CCDC177: variants seen among roughly 807,000 people sequenced by gnomAD.
The protein encoded by CCDC177 is coiled-coil domain-containing protein 177.
A neutral mutation model predicts 7.3 loss-of-function variants in CCDC177; 2 were observed. The observed-to-expected ratio is 0.28, with a 90% confidence interval of 0.11 to 0.87. The LOEUF is 0.87. Among genes scored for constraint, CCDC177 ranks in the 40% least tolerant of loss-of-function variants. The pLI, the probability that CCDC177 is intolerant of heterozygous loss-of-function variation, is 0.61. For synonymous variants in CCDC177, 401 were observed against 449.2 expected (o/e 0.89, Z 1.36); for missense variants, 874 against 970.5 (o/e 0.90, Z 1.32).
rs547171597 is a variant in CCDC177 at position 69,571,691 on chromosome 14, G to A, written c.1932C>T (p.Leu644=). Residue 644 remains leucine, a synonymous_variant, in exon 2 of 2, where the codon CTC becomes CTT. Transcript: ENST00000599174. ...RDEDCRRREL[L]QAIGRKLERS... ...GCTCCAGCTTGCGCCCGATGGCCTG[G>A]AGTAGCTCTCGCCGGCGGCAGTCTT... is the stretch of plus-strand genomic sequence containing the variant. 74 of 1,232,008 alleles carry A rather than the reference G, an allele frequency of 6.0e-5. No homozygotes were observed. The African/African-American group carries it at 1.0e-3, about 17-fold the overall frequency. The allele number at this position is 1,232,008 out of a possible 1,614,324, so 76.3% of individuals were successfully genotyped here.
In CCDC177 at chr14:69,571,428, C is replaced by CCA; in HGVS notation, c.*69_*70dup. 8.9e-7 allele frequency: 1 copy of CCA among 1,123,666 alleles called. No homozygotes were observed. The highest frequency in any genetic ancestry group is 1.1e-6 in the Non-Finnish European group (1 of 876,856). The allele number at this position is 1,123,666 out of a possible 1,614,324, so 69.6% of individuals were successfully genotyped here. On this transcript the variant is annotated 3_prime_UTR_variant, in exon 2 of 2. Transcript: ENST00000599174. ...CGCGCTGCGCACCGAGCGGGGACTC[C>CCA]CACGATGGTCAGTGGTTGAGGGAGG...
Position 69,573,206 on chromosome 14 carries a change from C to T in CCDC177, c.417G>A (p.Ala139=), listed in dbSNP as rs1479054082. The T allele has an allele frequency of 4.9e-6, 6 of 1,230,722 alleles. No homozygotes were observed. Among genetic ancestry groups the T allele is most frequent in the Middle Eastern group, 3.1e-4 (1 of 3,220 alleles). 76.2% of individuals were successfully genotyped at this position (1,230,722 alleles called of 1,614,324 possible). ...ATTGCTGCAGCTTGGCGCGCCGCTCCGCCTCGTAGGCCTCATACAGGCCGG... is the reference window on the plus strand; with the variant it reads ...ATTGCTGCAGCTTGGCGCGCCGCTCTGCCTCGTAGGCCTCATACAGGCCGG... ...VATGLYEAYE[A]ERRAKLQQCR... is the part of the protein sequence containing the mutation. Residue 139 remains alanine (A), a synonymous_variant, in exon 2 of 2, where the codon GCG becomes GCA. Transcript: ENST00000599174.
Position 69,573,451 on chromosome 14 carries a change from A to T in CCDC177, c.172T>A (p.Cys58Ser). 2 of 1,223,124 alleles carry T rather than the reference A, an allele frequency of 1.6e-6. No homozygotes were observed. Among genetic ancestry groups the T allele is most frequent in the Non-Finnish European group, 1.0e-6 (1 of 983,352 alleles). The allele number at this position is 1,223,124 out of a possible 1,614,324, so 75.8% of individuals were successfully genotyped here. The change falls in exon 2 of 2, where the codon TGT becomes AGT. Residue 58 changes from cysteine (C) to serine (S), a missense_variant. Coordinates refer to ENST00000599174, the MANE Select transcript of CCDC177 (RefSeq NM_001271507.2). ...AAVPRKAEVP[C>S]AAAEGGRREQ... ...CGCCGCCCGCCTTCTGCGGCTGCAC[A>T]TGGGACTTCTGCCTTGCGGGGCACC...
At chr14:69,573,825 TG>T (rs35211808) in intron 1 of CCDC177, among the ~76,000 whole-genome samples, 175 bp from the exon 2 acceptor site, 1 of 152,076 alleles carries the variant, frequency 6.6e-6, no homozygotes, top group African/African-American at 2.4e-5. Flanking sequence ...AGAACGGGGA[TG>T]GGGGTGGGGC....
chr14:69,572,459 T>A lies in CCDC177; in HGVS notation c.1164A>T (p.Leu388=). The change falls in exon 2 of 2, where the codon CTA becomes CTT. Residue 388 remains leucine, a synonymous_variant. Coordinates refer to ENST00000599174, the MANE Select transcript of CCDC177 (RefSeq NM_001271507.2). ...CGGCCCAGGCTCGGCGGCCCTGCTC[T>A]AGGGCGCGCTGCTTCTCCCGCTCCT... ...EREEREKQRA[L]EQGRRAWAAQ... is the part of the protein sequence containing the mutation. The A allele has an allele frequency of 8.1e-7, 1 of 1,228,638 alleles. No individual in the cohort carries two copies. The highest frequency in any genetic ancestry group is 1.0e-6 in the Non-Finnish European group (1 of 986,350). The allele number at this position is 1,228,638 out of a possible 1,614,324, so 76.1% of individuals were successfully genotyped here.
intron 1 of CCDC177, among the ~76,000 whole-genome samples, 166 bp downstream of exon 1, chr14:69,574,376 G>T (rs1211704571): frequency 6.6e-6 from 1 of 152,210 alleles, no homozygotes; most frequent in East Asian, 1.9e-4. Flanking sequence ...TCTCCTCCAA[G>T]TCTGAATGTG....
At position 69,571,892 on chromosome 14, in the gene CCDC177, T is replaced by A; in HGVS notation, c.1731A>T (p.Lys577Asn). ...CCAGGTGCGCCTGATGTTCCCGCTC[T>A]TTGCGCTCTGCCGCCTCCTTGGCCC... ...GRRAKEAAER[K>N]EREHQAHLEA... The change falls in exon 2 of 2, where the codon AAA becomes AAT. Residue 577 changes from lysine to asparagine, a missense_variant. Lys to Asn is a moderately conservative substitution (Grantham distance 94, BLOSUM62 0). Coordinates refer to ENST00000599174, the MANE Select transcript of CCDC177 (RefSeq NM_001271507.2). 8.1e-7 allele frequency: 1 copy of A among 1,231,688 alleles called. No individual in the cohort carries two copies. Among genetic ancestry groups the A allele is most frequent in the Non-Finnish European group, 1.0e-6 (1 of 988,024 alleles). The allele number at this position is 1,231,688 out of a possible 1,614,324, so 76.3% of individuals were successfully genotyped here.
Position 69,572,665 on chromosome 14 carries a change from G to C in CCDC177, c.958C>G (p.Arg320Gly). ...HSPQTAQHVE[R>G]IVRQVRAERG... ...TCTGCACGCACTTGACGCACGATGC[G>C]CTCCACGTGCTGAGCGGTCTGCGGC... The change falls in exon 2 of 2, where the codon CGC becomes GGC. Residue 320 changes from arginine to glycine, a missense_variant. Coordinates refer to ENST00000599174, the MANE Select transcript of CCDC177 (RefSeq NM_001271507.2). 8.1e-7 allele frequency: 1 copy of C among 1,231,350 alleles called. No homozygotes were observed. The allele number at this position is 1,231,350 out of a possible 1,614,324, so 76.3% of individuals were successfully genotyped here.
chr14:69,572,638 G>A lies in CCDC177; in HGVS notation c.985C>T (p.Arg329Cys). ...CGCTCCGGCACCCCGCGCAGGCCGCGCTCTGCACGCACTTGACGCACGATG... is the reference window on the plus strand; with the variant it reads ...CGCTCCGGCACCCCGCGCAGGCCGCACTCTGCACGCACTTGACGCACGATG... The part of the protein sequence containing the change: ...ERIVRQVRAE[R>C]GLRGVPERDR... The change falls in exon 2 of 2, where the codon CGC becomes TGC. Residue 329 changes from arginine (R) to cysteine (C), a missense_variant. Transcript: ENST00000599174. 4 of 1,231,296 alleles carry A rather than the reference G, an allele frequency of 3.2e-6. No homozygotes were observed. The South Asian group carries it at 1.2e-4, about 38-fold the overall frequency. The allele number at this position is 1,231,296 out of a possible 1,614,324, so 76.3% of individuals were successfully genotyped here.
In CCDC177 at chr14:69,571,930, G is replaced by C; in HGVS notation, c.1693C>G (p.Leu565Val). 4.1e-6 allele frequency: 5 copies of C among 1,232,314 alleles called. No individual in the cohort carries two copies. The highest frequency in any genetic ancestry group is 5.1e-6 in the Non-Finnish European group (5 of 988,482). 76.3% of individuals were successfully genotyped at this position (1,232,314 alleles called of 1,614,324 possible). A position where few individuals can be genotyped will look rare whatever the true frequency, so the allele number is the denominator to read the frequency against. Residue 565 changes from leucine to valine, a missense_variant, in exon 2 of 2, where the codon CTG becomes GTG. Leu to Val is a conservative substitution (Grantham distance 32). Coordinates refer to ENST00000599174, the MANE Select transcript of CCDC177 (RefSeq NM_001271507.2). ...GCCTCCTTGGCCCGCCGACCCTGCA[G>C]CTCCTCTCGCCGGGCCCGCTCCCGC... is the stretch of plus-strand genomic sequence containing the variant. ...ELRERARREE[L>V]QGRRAKEAAE...
rs1884332410 is a variant in CCDC177, at chr14:69,571,928, C to T, written c.1695G>A (p.Leu565=). The change falls in exon 2 of 2, where the codon CTG becomes CTA. Residue 565 remains leucine (L), a synonymous_variant. Coordinates refer to ENST00000599174, the MANE Select transcript of CCDC177 (RefSeq NM_001271507.2). ...ELRERARREE[L]QGRRAKEAAE... ...CCGCCTCCTTGGCCCGCCGACCCTGCAGCTCCTCTCGCCGGGCCCGCTCCC... is the reference window on the plus strand; with the variant it reads ...CCGCCTCCTTGGCCCGCCGACCCTGTAGCTCCTCTCGCCGGGCCCGCTCCC... The T allele has an allele frequency of 8.1e-7, 1 of 1,232,250 alleles. No individual in the cohort carries two copies. Among genetic ancestry groups the T allele is most frequent in the Middle Eastern group, 3.1e-4 (1 of 3,216 alleles). 76.3% of individuals were successfully genotyped at this position (1,232,250 alleles called of 1,614,324 possible).
At position 69,572,094 on chromosome 14, in the gene CCDC177, G is replaced by A. The variant is rs1377196774; in HGVS notation, c.1529C>T (p.Ala510Val). 1 of 1,230,610 alleles carries A rather than the reference G, an allele frequency of 8.1e-7. No individual in the cohort carries two copies. The highest frequency in any genetic ancestry group is 1.0e-6 in the Non-Finnish European group (1 of 987,174). 76.2% of individuals were successfully genotyped at this position (1,230,610 alleles called of 1,614,324 possible). The change falls in exon 2 of 2, where the codon GCG (alanine) becomes GTG (valine). Residue 510 changes from alanine (A) to valine (V), a missense_variant. Physicochemically the swap from Ala to Val is moderately conservative, Grantham distance 64. Transcript: ENST00000599174. ...ACCCTGTAGCAGCGCCTCGTGGCGCGCCCGCTCGGCCCGGCTCAGCTCCCG... is the reference window on the plus strand; with the variant it reads ...ACCCTGTAGCAGCGCCTCGTGGCGCACCCGCTCGGCCCGGCTCAGCTCCCG... The part of the protein sequence containing the change: ...EKRELSRAER[A>V]RHEALLQGRT...
chr14:69,570,219 A>G lies in CCDC177; in HGVS notation c.*1280T>C, dbSNP rs1419698047. ...GTCAAGAAAGGCACAAAAAGGACCA[A>G]CAAATAATACTGACATGGTGCTTTG... On this transcript the variant is annotated 3_prime_UTR_variant, in exon 2 of 2. Transcript: ENST00000599174. 6.5e-6 allele frequency: 1 copy of G among 153,388 alleles called. No individual in the cohort carries two copies. The highest frequency in any genetic ancestry group is 2.4e-5 in the African/African-American group (1 of 41,452). 9.5% of individuals were successfully genotyped at this position (153,388 alleles called of 1,614,324 possible). A position where few individuals can be genotyped will look rare whatever the true frequency, so the allele number is the denominator to read the frequency against.
chr14:69,573,023 GGGCGAGGCC>G lies in CCDC177; in HGVS notation c.591_599del (p.Ser199_Ala201del), dbSNP rs1884366190. ...AAGCCTTGCGGGCCGCACGCGGCGC[GGGCGAGGCC>G]GGGAGGCTGGCGCTGCTGCAGCTGC... On this transcript the variant is annotated inframe_deletion, in exon 2 of 2. Transcript: ENST00000599174. 8.1e-7 allele frequency: 1 copy of G among 1,229,486 alleles called. No homozygotes were observed. The highest frequency in any genetic ancestry group is 1.0e-6 in the Non-Finnish European group (1 of 986,996). The allele number at this position is 1,229,486 out of a possible 1,614,324, so 76.2% of individuals were successfully genotyped here.
Position 69,572,600 on chromosome 14 carries a change from G to C in CCDC177, c.1023C>G (p.Ile341Met), listed in dbSNP as rs944621990. ...LRGVPERDRK[I>M]AALMLARHQE... The stretch of plus-strand genomic sequence containing the variant: ...GGTGCCGCGCCAGCATGAGCGCCGC[G>C]ATCTTCCGGTCACGCTCCGGCACCC... The change falls in exon 2 of 2, where the codon ATC (isoleucine) becomes ATG (methionine). Residue 341 changes from isoleucine (I) to methionine (M), a missense_variant. Coordinates refer to ENST00000599174, the MANE Select transcript of CCDC177 (RefSeq NM_001271507.2). 1 of 1,231,108 alleles carries C rather than the reference G, an allele frequency of 8.1e-7. No homozygotes were observed. The highest frequency in any genetic ancestry group is 1.0e-6 in the Non-Finnish European group (1 of 987,614). 76.3% of individuals were successfully genotyped at this position (1,231,108 alleles called of 1,614,324 possible).
Position 69,572,656 on chromosome 14 carries a change from G to A in CCDC177, c.967C>T (p.Arg323Cys). ...QTAQHVERIV[R>C]QVRAERGLRG... ...AGGCCGCGCTCTGCACGCACTTGAC[G>A]CACGATGCGCTCCACGTGCTGAGCG... The change falls in exon 2 of 2, where the codon CGT (arginine) becomes TGT (cysteine). Residue 323 changes from arginine to cysteine, a missense_variant. Physicochemically the swap from Arg to Cys is radical, Grantham distance 180 (BLOSUM62 -3). Transcript: ENST00000599174. 5.7e-6 allele frequency: 7 copies of A among 1,231,352 alleles called. No individual in the cohort carries two copies. The highest frequency in any genetic ancestry group is 4.1e-5 in the South Asian group (1 of 24,320). The allele number at this position is 1,231,352 out of a possible 1,614,324, so 76.3% of individuals were successfully genotyped here.
In CCDC177 at chr14:69,573,497, GGCCGAGGAA is replaced by G. The variant is rs1566578507; in HGVS notation, c.117_125del (p.Ser41_Ser43del). ...GCACCGCCGCGGAGGCCGAGGCCGA[GGCCGAGGAA>G]GCTGCGGGCTCCTGTGCGCCCTGGG... On this transcript the variant is annotated inframe_deletion, in exon 2 of 2. Transcript: ENST00000599174. 74 of 1,231,412 alleles carry G rather than the reference GGCCGAGGAA, an allele frequency of 6.0e-5. No homozygotes were observed. The African/African-American group carries it at 9.0e-4, about 15-fold the overall frequency. The allele number at this position is 1,231,412 out of a possible 1,614,324, so 76.3% of individuals were successfully genotyped here.
intron 1 of CCDC177, among the ~76,000 whole-genome samples, chr14:69,574,293 G>T (rs1259646619): frequency 2.0e-5 from 3 of 151,962 alleles, no homozygotes; most frequent in African/African-American, 7.3e-5. Flanking sequence ...CGCCGCCTCC[G>T]CCCCCACCTC....
Position 69,571,550 on chromosome 14 carries a change from G to A in CCDC177, c.2073C>T (p.Phe691=). Residue 691 remains phenylalanine (F), a synonymous_variant, in exon 2 of 2, where the codon TTC becomes TTT. Coordinates refer to ENST00000599174, the MANE Select transcript of CCDC177 (RefSeq NM_001271507.2). ...KVREETNTRS[F]DRMVREAQLH... is the part of the protein sequence containing the mutation. The stretch of plus-strand genomic sequence containing the variant: ...GCTGGGCCTCCCGCACCATGCGGTC[G>A]AAGGATCGCGTGTTGGTCTCCTCGC... 3 of 1,238,414 alleles carry A rather than the reference G, an allele frequency of 2.4e-6. No homozygotes were observed. Among genetic ancestry groups the A allele is most frequent in the Non-Finnish European group, 2.0e-6 (2 of 991,458 alleles). 76.7% of individuals were successfully genotyped at this position (1,238,414 alleles called of 1,614,324 possible). A position where few individuals can be genotyped will look rare whatever the true frequency, so the allele number is the denominator to read the frequency against.
Sources: allele counts gnomAD v4.1 joint callset (sites outside exome capture counted in the v4.1 genomes callset), GRCh38; gene constraint gnomAD v4.1.1; transcripts MANE v1.5; gene names NCBI Gene and HGNC (gene_info 2026-07-23, HGNC 2026-07-21).